C14orf132: variants seen among roughly 807,000 people sequenced by gnomAD.
C14orf132 encodes the protein chromosome 14 open reading frame 132.
C14orf132 carries 6 observed loss-of-function variants against 5.8 expected under a neutral mutation model. The observed-to-expected ratio is 1.03, with a 90% CI of 0.57 to 2.04. The LOEUF is 2.04. Among genes scored for constraint, C14orf132 ranks in the 30% most tolerant of loss-of-function variants. The probability of loss-of-function intolerance (pLI) is 0.00; values close to 1 mark genes in which losing one functional copy is unlikely to be tolerated. For synonymous variants in C14orf132, 51 were observed against 49.8 expected, an observed-to-expected ratio of 1.02 and a Z score of -0.10; for missense variants, 125 against 115.8, an observed-to-expected ratio of 1.08 and a Z score of -0.37.
At position 96,078,590 on chromosome 14, in the gene C14orf132, T is replaced by C. The variant is rs562112718; in HGVS notation, c.28-7921T>C. Among the ~76,000 whole-genome samples the C allele has an allele frequency of 1.1e-4, 17 of 152,270 alleles. No homozygotes were observed. The South Asian group carries it at 3.5e-3, about 32-fold the overall frequency. On this transcript the variant is annotated intron_variant, in intron 1 of 1. Coordinates refer to ENST00000555004, the MANE Select transcript of C14orf132 (RefSeq NM_001252507.3). ...GCACCGCAAGCATTTTTTCATACTC[T>C]CCTAGTTTCATAATGGTCCTGTGGG...
intron 1 of C14orf132, among the ~76,000 whole-genome samples, chr14:96,076,197 A>G (rs1440389140): frequency 6.6e-6 from 1 of 152,166 alleles, no homozygotes; most frequent in Non-Finnish European, 1.5e-5. Flanking sequence ...ACCTATGGGT[A>G]TGCAGTTGTT....
chr14:96,083,937 C>T (rs1272591156), intron 1 of C14orf132, among the ~76,000 whole-genome samples: 1 of 152,194 alleles, frequency 6.6e-6, no homozygotes, highest in Non-Finnish European at 1.5e-5. Context: ...GTGCCGAGTG[C>T]CTCCTGGCAG....
At chr14:96,072,742 C>T (rs1360467531) in intron 1 of C14orf132, among the ~76,000 whole-genome samples, 2 of 152,194 alleles carry the variant, frequency 1.3e-5, no homozygotes, top group Non-Finnish European at 2.9e-5. Context: ...TCTAAATGGC[C>T]TTTTCCACAT....
chr14:96,073,852 C>A (rs2139672873), intron 1 of C14orf132, among the ~76,000 whole-genome samples: 1 of 152,308 alleles, frequency 6.6e-6, no homozygotes, highest in South Asian at 2.1e-4. Context: ...GAATACTACA[C>A]AGCCATAAAA....
At chr14:96,040,938 T>C (rs1451913067) in intron 1 of C14orf132, among the ~76,000 whole-genome samples, 1 of 152,158 alleles carries the variant, frequency 6.6e-6, no homozygotes, top group Non-Finnish European at 1.5e-5. Context: ...CCTCCGGAAT[T>C]TCCATGGTTA....
At chr14:96,086,073 G>A (rs1037867277) in intron 1 of C14orf132, among the ~76,000 whole-genome samples, 2 of 152,090 alleles carry the variant, frequency 1.3e-5, no homozygotes, top group Non-Finnish European at 2.9e-5. Flanking sequence ...TATGTGGTGG[G>A]ATCATGATTC....
In C14orf132 at chr14:96,087,730, G is replaced by A. The variant is rs1307622546; in HGVS notation, c.*995G>A. On this transcript the variant is annotated 3_prime_UTR_variant, in exon 2 of 2. Transcript: ENST00000555004. ...GTCCAGGCATCTTGAAGGTGGGTGC[G>A]AGATTGGCAGGCTGCTCAGATACCC... 3 of 152,178 alleles carry A rather than the reference G, an allele frequency of 2.0e-5. No homozygotes were observed. Among genetic ancestry groups the A allele is most frequent in the Non-Finnish European group, 4.4e-5 (3 of 68,064 alleles). The allele number at this position is 152,178 out of a possible 1,614,324, so 9.4% of individuals were successfully genotyped here. A position where few individuals can be genotyped will look rare whatever the true frequency, so the allele number is the denominator to read the frequency against.
At chr14:96,042,825 C>A (rs1886729960) in intron 1 of C14orf132, among the ~76,000 whole-genome samples, 1 of 152,194 alleles carries the variant, frequency 6.6e-6, no homozygotes, top group Non-Finnish European at 1.5e-5. Flanking sequence ...TGGAAACACC[C>A]CAGCCCCACT....
chr14:96,064,225 A>G (rs2139661919), intron 1 of C14orf132, among the ~76,000 whole-genome samples: 1 of 152,180 alleles, frequency 6.6e-6, no homozygotes, highest in South Asian at 2.1e-4. Context: ...GTATCTACCC[A>G]GAGGAAAAGA....
intron 1 of C14orf132, among the ~76,000 whole-genome samples, chr14:96,048,042 G>C (rs1273236966): frequency 6.6e-6 from 1 of 152,136 alleles, no homozygotes; most frequent in Non-Finnish European, 1.5e-5. Context: ...ACAAAAATTA[G>C]CTGGGTGTGG....
At chr14:96,074,763 CTATT>C (rs1021268707) in intron 1 of C14orf132, among the ~76,000 whole-genome samples, 5 of 149,004 alleles carry the variant, frequency 3.4e-5, no homozygotes, top group African/African-American at 1.2e-4. Context: ...TCTGGACCCT[CTATT>C]TAATGTATGC....
At chr14:96,045,570 C>T (rs1250424723) in intron 1 of C14orf132, among the ~76,000 whole-genome samples, 1 of 152,182 alleles carries the variant, frequency 6.6e-6, no homozygotes, top group Non-Finnish European at 1.5e-5. Flanking sequence ...CTGGATGGGG[C>T]TTTGGAGCTC....
chr14:96,068,291 C>T (rs1041462609), intron 1 of C14orf132, among the ~76,000 whole-genome samples: 1 of 152,206 alleles, frequency 6.6e-6, no homozygotes, highest in Non-Finnish European at 1.5e-5. Context: ...AGGATGTCAC[C>T]TCAACGTGTT....
intron 1 of C14orf132, among the ~76,000 whole-genome samples, chr14:96,077,841 A>T (rs1887921500): frequency 6.6e-6 from 1 of 152,226 alleles, no homozygotes; most frequent in Non-Finnish European, 1.5e-5. Context: ...GTTAGTCTCG[A>T]CATGGCAGGG....
At chr14:96,055,552 A>G (rs759617041) in intron 1 of C14orf132, among the ~76,000 whole-genome samples, 1 of 152,124 alleles carries the variant, frequency 6.6e-6, no homozygotes, top group Non-Finnish European at 1.5e-5. Context: ...CGCTGCGTAC[A>G]TCTGGGCCTG....
In C14orf132 at chr14:96,089,169, G is replaced by A. The variant is rs1227347301; in HGVS notation, c.*2434G>A. 4 of 152,252 alleles carry A rather than the reference G, an allele frequency of 2.6e-5. No homozygotes were observed. Among genetic ancestry groups the A allele is most frequent in the Non-Finnish European group, 5.9e-5 (4 of 68,056 alleles). 9.4% of individuals were successfully genotyped at this position (152,252 alleles called of 1,614,324 possible). A position where few individuals can be genotyped will look rare whatever the true frequency, so the allele number is the denominator to read the frequency against. On this transcript the variant is annotated 3_prime_UTR_variant, in exon 2 of 2. Transcript: ENST00000555004. The stretch of plus-strand genomic sequence containing the variant: ...CATTAGTGTCTGATTAAGGAGCAAA[G>A]GCTGGATTTCTGGCCACAGCGAGCT...
rs1215535804 is a variant in C14orf132, at chr14:96,049,640, G to GTATATATA, written c.27+10120_27+10127dup. Among the ~76,000 whole-genome samples, 48 of 44,560 alleles carry GTATATATA rather than the reference G, an allele frequency of 1.1e-3. 7 individuals carry two copies. In the East Asian group the frequency reaches 0.034, roughly 31 times the overall value. The allele number at this position is 44,560 out of a possible 152,430, so 29.2% of individuals were successfully genotyped here. On this transcript the variant is annotated intron_variant, in intron 1 of 1. Coordinates refer to ENST00000555004, the MANE Select transcript of C14orf132 (RefSeq NM_001252507.3). ...TATACGTATATATATACATATATACGTATATATATATATAGAGAGAGAGAG... is the reference window on the plus strand; with the variant it reads ...TATACGTATATATATACATATATACGTATATATATATATATATATATAGAGAGAGAGAG...
chr14:96,040,671 G>A (rs1310556035), intron 1 of C14orf132, among the ~76,000 whole-genome samples: 1 of 152,112 alleles, frequency 6.6e-6, no homozygotes, highest in East Asian at 1.9e-4. Flanking sequence ...AGTTAGTTCT[G>A]GGGGTCTAGA....
chr14:96,065,070 A>G (rs1887491540), intron 1 of C14orf132, among the ~76,000 whole-genome samples: 1 of 151,990 alleles, frequency 6.6e-6, no homozygotes, highest in African/African-American at 2.4e-5. Context: ...GACTTCCTGG[A>G]CATCATGTGT....
Sources: allele counts gnomAD v4.1 joint callset (sites outside exome capture counted in the v4.1 genomes callset), GRCh38; gene constraint gnomAD v4.1.1; transcripts MANE v1.5; gene names NCBI Gene and HGNC (gene_info 2026-07-23, HGNC 2026-07-21).